The following MAP4K3 variants were observed in gnomAD, a reference collection of about 807,000 sequenced individuals.
The protein encoded by MAP4K3 is MAPK/ERK kinase kinase kinase 3.
Under a neutral mutation model 143.5 loss-of-function variants are expected in MAP4K3, and 94 were observed. The observed-to-expected ratio is 0.65, with a 90% CI of 0.55 to 0.78. The LOEUF (loss-of-function observed/expected upper bound fraction) is 0.78. Among genes scored for constraint, MAP4K3 ranks in the 30% least tolerant of loss-of-function variants. The pLI is 0.00. For missense variants in MAP4K3, 1,077 were observed against 1,068.1 expected (o/e 1.01, Z -0.12); for synonymous variants, 416 against 347.2 (o/e 1.20, Z -2.20).
At chr2:39,360,640 GACTC>G (rs1012141050) in intron 2 of MAP4K3, among the ~76,000 whole-genome samples, 1 of 152,186 alleles carries the variant, frequency 6.6e-6, no homozygotes, top group African/African-American at 2.4e-5. Context: ...GGGTTTAACT[GACTC>G]ACAGTGTGGC....
At position 39,254,486 on chromosome 2, in the gene MAP4K3, T is replaced by C. The variant is rs1680270343; in HGVS notation, c.2505A>G (p.Lys835=). 2 of 1,613,864 alleles carry C rather than the reference T, an allele frequency of 1.2e-6. No homozygotes were observed. The highest frequency in any genetic ancestry group is 1.7e-6 in the Non-Finnish European group (2 of 1,179,922). The change falls in exon 32 of 34, where the codon AAA becomes AAG. Residue 835 remains lysine (K), a synonymous_variant. Coordinates refer to ENST00000263881, the MANE Select transcript of MAP4K3 (RefSeq NM_003618.4). ...TAAAACTTCTACCTTGCATTCCATG[T>C]TTCCAGAAAGCTAGCACACTGTCTT... is the stretch of plus-strand genomic sequence containing the variant. ...CLQDSVLAFW[K]HGMQGRSFRS...
chr2:39,434,721 C>T (rs1665399603), intron 1 of MAP4K3, among the ~76,000 whole-genome samples: 1 of 152,220 alleles, frequency 6.6e-6, no homozygotes, highest in Non-Finnish European at 1.5e-5. Context: ...CCAACTTTGG[C>T]AAGTTAATCT....
intron 1 of MAP4K3, among the ~76,000 whole-genome samples, chr2:39,421,773 CTCT>C (rs1019281521): frequency 1.6e-4 from 25 of 152,030 alleles, no homozygotes; most frequent in African/African-American, 5.8e-4. Context: ...CCTGCATGAT[CTCT>C]TCTTGCTTAT....
At chr2:39,378,910 T>C (rs997692715) in intron 1 of MAP4K3, among the ~76,000 whole-genome samples, 13 of 151,574 alleles carry the variant, frequency 8.6e-5, no homozygotes, top group Admixed American at 7.2e-4. Context: ...ATAATACACA[T>C]ATAAATAAGC....
chr2:39,316,749 A>G (rs1212926769), intron 12 of MAP4K3, among the ~76,000 whole-genome samples: 4 of 152,268 alleles, frequency 2.6e-5, no homozygotes, highest in African/African-American at 7.2e-5. Context: ...CTAAAACGGT[A>G]TTACATTTAC....
At chr2:39,372,110 C>T (rs1383311672) in intron 2 of MAP4K3, among the ~76,000 whole-genome samples, 1 of 151,316 alleles carries the variant, frequency 6.6e-6, no homozygotes, top group Non-Finnish European at 1.5e-5. Context: ...AATAAATATT[C>T]AAAAAGTAGT....
At chr2:39,258,034 T>C (rs986884243) in intron 31 of MAP4K3, among the ~76,000 whole-genome samples, 16 of 151,984 alleles carry the variant, frequency 1.1e-4, no homozygotes, top group African/African-American at 3.6e-4. Context: ...CAGGTTCAAG[T>C]GATTCTCATG....
chr2:39,436,881 C>G lies in MAP4K3; in HGVS notation c.96+11G>C, dbSNP rs925097397. 2 of 1,600,268 alleles carry G rather than the reference C, an allele frequency of 1.2e-6. No homozygotes were observed. The highest frequency in any genetic ancestry group is 1.7e-6 in the Non-Finnish European group (2 of 1,174,228). On this transcript the variant is annotated intron_variant, in intron 1 of 33. Coordinates refer to ENST00000263881, the MANE Select transcript of MAP4K3 (RefSeq NM_003618.4). ...CCCACGGCCTCGGCGGCGCGCGGCC[C>G]CTGCCTTTACCTTGTAGACGTCGCC...
At chr2:39,261,504 G>A (rs547620043) in intron 28 of MAP4K3, among the ~76,000 whole-genome samples, 1 of 152,170 alleles carries the variant, frequency 6.6e-6, no homozygotes, top group South Asian at 2.1e-4. Flanking sequence ...GCATCCCAGA[G>A]GAGTAAGCAA....
intron 1 of MAP4K3, among the ~76,000 whole-genome samples, chr2:39,398,563 T>G (rs1161359239): frequency 6.6e-6 from 1 of 151,774 alleles, no homozygotes; most frequent in African/African-American, 2.4e-5. Flanking sequence ...ACTTTGCATT[T>G]TGAAACGTAA....
chr2:39,316,824 TAAG>T (rs1036252237), intron 12 of MAP4K3, among the ~76,000 whole-genome samples: 1 of 152,074 alleles, frequency 6.6e-6, no homozygotes, highest in African/African-American at 2.4e-5. Flanking sequence ...GTTGCCCTTC[TAAG>T]AAAAAGGATA....
chr2:39,412,837 T>TA (rs202226631), intron 1 of MAP4K3, among the ~76,000 whole-genome samples: 52 of 148,708 alleles, frequency 3.5e-4, no homozygotes, highest in South Asian at 4.3e-4. Context: ...TGTCCAAGAT[T>TA]AAAAAAAAAA....
intron 12 of MAP4K3, among the ~76,000 whole-genome samples, chr2:39,317,503 C>A (rs1006395920): frequency 7.9e-5 from 12 of 151,552 alleles, no homozygotes; most frequent in African/African-American, 2.9e-4. Flanking sequence ...AAATTTTTGC[C>A]AACTATGCAT....
chr2:39,321,973 CAG>C (rs1174761481), intron 12 of MAP4K3, among the ~76,000 whole-genome samples: 1 of 152,238 alleles, frequency 6.6e-6, no homozygotes, highest in Non-Finnish European at 1.5e-5. Flanking sequence ...TAAGGGAACT[CAG>C]AGGCTGGCGG....
At chr2:39,266,282 T>A (rs1269726493) in intron 27 of MAP4K3, among the ~76,000 whole-genome samples, 1 of 152,176 alleles carries the variant, frequency 6.6e-6, no homozygotes, top group Non-Finnish European at 1.5e-5. Flanking sequence ...GAGGCCTCAG[T>A]CATCTCTGAC....
chr2:39,377,446 G>C (rs550112917), intron 2 of MAP4K3, among the ~76,000 whole-genome samples: 1 of 152,158 alleles, frequency 6.6e-6, no homozygotes, highest in South Asian at 2.1e-4. Context: ...AATAAACAAA[G>C]AGTGAGTAAT....
chr2:39,436,990 C>A lies in MAP4K3; in HGVS notation c.-3G>T. 1 of 1,609,226 alleles carries A rather than the reference C, an allele frequency of 6.2e-7. No homozygotes were observed. Among genetic ancestry groups the A allele is most frequent in the Non-Finnish European group, 8.5e-7 (1 of 1,178,014 alleles). ...GACAAATCGAAGCCGGGGTTCATGG[C>A]GGGCCCCAGGTGCCCCCCGCCTCCC... On this transcript the variant is annotated 5_prime_UTR_variant, in exon 1 of 34. Coordinates refer to ENST00000263881, the MANE Select transcript of MAP4K3 (RefSeq NM_003618.4).
At chr2:39,340,760 A>C (rs1253640662) in intron 4 of MAP4K3, among the ~76,000 whole-genome samples, 3 of 152,196 alleles carry the variant, frequency 2.0e-5, no homozygotes, top group Non-Finnish European at 2.9e-5. Flanking sequence ...AAAATAATGG[A>C]GGGAGATATA....
rs1266046740 is a variant in MAP4K3 at position 39,328,285 on chromosome 2, C to T, written c.531-2008G>A. Among the ~76,000 whole-genome samples the T allele has an allele frequency of 2.6e-5, 4 of 152,116 alleles. No individual in the cohort carries two copies. In the East Asian group the frequency reaches 7.7e-4, roughly 29 times the overall value. ...AGTAGAGGTTGCAGTGAGCTGAGAT[C>T]ACACGACTGCACTTCAGCCTGGGTG... On this transcript the variant is annotated intron_variant, in intron 8 of 33. Coordinates refer to ENST00000263881, the MANE Select transcript of MAP4K3 (RefSeq NM_003618.4).
Sources: gnomAD v4.1 joint callset for allele counts (sites outside exome capture counted in the v4.1 genomes callset) on GRCh38, gnomAD v4.1.1 for gene constraint, MANE v1.5 for transcripts, NCBI Gene and HGNC (gene_info 2026-07-23, HGNC 2026-07-21) for gene names.